Variants in BDH1 observed in about 807,000 individuals in gnomAD.
BDH1 encodes the protein D-beta-hydroxybutyrate dehydrogenase, mitochondrial.
In BDH1, 30 loss-of-function variants were observed where a neutral mutation model predicts 33.1. That is an observed-to-expected ratio of 0.91 (90% confidence interval 0.68 to 1.23). The LOEUF is 1.23. BDH1 is among the 50% of genes most tolerant of loss of function. BDH1 has a pLI of 0.00. For synonymous variants in BDH1, 190 were observed against 183.6 expected (o/e 1.03, Z -0.28); for missense variants, 443 against 464.4 (o/e 0.95, Z 0.42).
rs1006836205 is a variant in BDH1, at chr3:197,522,562, C to T, written c.409+78G>A. The stretch of plus-strand genomic sequence containing the variant: ...GGGAGTGTGGTGGCAGGATGCCAGC[C>T]AGTGGAAGGTGGTGTTCGGCAAGTG... On this transcript the variant is annotated intron_variant, in intron 6 of 7. Transcript: ENST00000392379. This position sits in a 1 kb window ranked among gnomAD's most constrained non-coding sequence, Gnocchi z 4.8. 9 of 1,576,152 alleles carry T rather than the reference C, an allele frequency of 5.7e-6. No homozygotes were observed. In the African/African-American group the frequency reaches 1.1e-4, roughly 19 times the overall value.
Position 197,522,359 on chromosome 3 carries a change from GA to G in BDH1, c.409+280del, listed in dbSNP as rs1215013644. 6.6e-6 allele frequency among the ~76,000 whole-genome samples: 1 copy of G among 152,186 alleles called. No homozygotes were observed. The highest frequency in any genetic ancestry group is 1.5e-5 in the Non-Finnish European group (1 of 68,046). ...GGCACCCAACCCAGCTCCTGGGCCA[GA>G]GGGGGCATCAATGGGCATTGGCTGA... On this transcript the variant is annotated intron_variant, in intron 6 of 7. Coordinates refer to ENST00000392379, the MANE Select transcript of BDH1 (RefSeq NM_203314.3). This position sits in a 1 kb window ranked among gnomAD's most constrained non-coding sequence, Gnocchi z 4.8.
Position 197,512,054 on chromosome 3 carries a change from G to T in BDH1, c.873C>A (p.Gly291=). 1 of 1,614,188 alleles carries T rather than the reference G, an allele frequency of 6.2e-7. No homozygotes were observed. Among genetic ancestry groups the T allele is most frequent in the Non-Finnish European group, 8.5e-7 (1 of 1,180,038 alleles). ...IAKMETYCSS[G]STDTSPVIDA... is the part of the protein sequence containing the mutation. ...CGATGACAGGGGACGTGTCTGTGGA[G>T]CCACTGCTGCAGTAGGTCTCCATCT... is the stretch of plus-strand genomic sequence containing the variant. The change falls in exon 8 of 8, where the codon GGC becomes GGA. Residue 291 remains glycine, a synonymous_variant. Coordinates refer to ENST00000392379, the MANE Select transcript of BDH1 (RefSeq NM_203314.3).
chr3:197,533,503 T>G lies in BDH1; in HGVS notation c.142A>C (p.Ser48Arg). The change falls in exon 4 of 8, where the codon AGT becomes CGT. Residue 48 changes from serine to arginine, a missense_variant. Physicochemically the swap from Ser to Arg is moderately radical, Grantham distance 110. Transcript: ENST00000392379. ...CTTCCACTCACCGGCTCCGCCGCAC[T>G]GGCATAAGTCCGACGGCCAATCGGG... is the stretch of plus-strand genomic sequence containing the variant. ...FIPIGRRTYA[S>R]AAEPVGSKAV... 6.2e-7 allele frequency: 1 copy of G among 1,614,240 alleles called. No homozygotes were observed. The highest frequency in any genetic ancestry group is 1.1e-5 in the South Asian group (1 of 91,086).
intron 5 of BDH1, chr3:197,530,065 C>T (rs1399663291): frequency 6.6e-6 from 1 of 152,160 alleles, no homozygotes; most frequent in East Asian, 1.9e-4. Context: ...AATGAGAGCA[C>T]AGGTGATATC....
chr3:197,539,464 A>G (rs567107809), intron 3 of BDH1, among the ~76,000 whole-genome samples: 1 of 152,228 alleles, frequency 6.6e-6, no homozygotes, highest in Non-Finnish European at 1.5e-5. Context: ...TAAAACAAAG[A>G]TGGCAGCCCT....
intron 3 of BDH1, among the ~76,000 whole-genome samples, chr3:197,537,551 C>G (rs779201144): frequency 1.3e-5 from 2 of 152,132 alleles, no homozygotes; most frequent in Non-Finnish European, 2.9e-5. Context: ...AATTACAGCA[C>G]TATGTTGGAT....
At chr3:197,532,589 C>T (rs1162685012) in intron 4 of BDH1, 67 bp from the exon 5 acceptor site, 9 of 1,167,420 alleles carry the variant, frequency 7.7e-6, no homozygotes, top group Admixed American at 1.8e-5. Context: ...CAGGCCTCTC[C>T]ACCCTCTGTG....
intron 5 of BDH1, among the ~76,000 whole-genome samples, chr3:197,531,418 A>ATAT (rs1553872383): frequency 4.4e-5 from 6 of 137,258 alleles, no homozygotes; most frequent in Non-Finnish European, 6.1e-5. Flanking sequence ...TTAAAAAAAA[A>ATAT]ATATATATAT....
At chr3:197,561,606 G>A (rs912361025) in intron 1 of BDH1, among the ~76,000 whole-genome samples, 1 of 152,142 alleles carries the variant, frequency 6.6e-6, no homozygotes, top group Non-Finnish European at 1.5e-5. Flanking sequence ...TACCATTAGA[G>A]TGCTCAGTGA....
In BDH1 at chr3:197,526,589, A is replaced by T. The variant is rs1016168958; in HGVS notation, c.268-3808T>A. ...GCTCCCTCAGCCCCTGGCCTCAGTG[A>T]TGTACCCGCTTCTGGCTGGGGCCAC... On this transcript the variant is annotated intron_variant, in intron 5 of 7. Transcript: ENST00000392379. This position sits in a 1 kb window ranked among gnomAD's most constrained non-coding sequence, Gnocchi z 4.7. 6.6e-6 allele frequency among the ~76,000 whole-genome samples: 1 copy of T among 152,106 alleles called. No homozygotes were observed. Among genetic ancestry groups the T allele is most frequent in the Non-Finnish European group, 1.5e-5 (1 of 68,012 alleles).
At chr3:197,546,542 G>C in intron 2 of BDH1, 56 bp from the exon 3 acceptor site, 1 of 1,202,500 alleles carries the variant, frequency 8.3e-7, no homozygotes, top group East Asian at 2.4e-5. Context: ...CTTTAATCAG[G>C]AGCAGTCATG....
rs1716867133 is a variant in BDH1 at position 197,554,816 on chromosome 3, C to G, written c.-195-103G>C. The G allele has an allele frequency of 6.6e-6, 1 of 152,256 alleles. No homozygotes were observed. 9.4% of individuals were successfully genotyped at this position (152,256 alleles called of 1,614,324 possible). Reference sequence around the variant, plus strand: ...GAGGCGGCCGCGCGCAGGACGCACGCCCAAGGCGCCTGGGCCGCTAGGGAC... The same window carrying G: ...GAGGCGGCCGCGCGCAGGACGCACGGCCAAGGCGCCTGGGCCGCTAGGGAC... On this transcript the variant is annotated intron_variant, in intron 1 of 7. Coordinates refer to ENST00000392379, the MANE Select transcript of BDH1 (RefSeq NM_203314.3). The surrounding 1 kb of genome is among the most constrained non-coding windows in gnomAD (Gnocchi z 4.4).
At chr3:197,546,535 TAATC>T (rs1716094208) in intron 2 of BDH1, 49 bp from the exon 3 acceptor site, 1 of 1,281,292 alleles carries the variant, frequency 7.8e-7, no homozygotes, top group Non-Finnish European at 1.1e-6. Context: ...TTCCGGGCTT[TAATC>T]AGGAGCAGTC....
At chr3:197,532,970 C>T (rs948799352) in intron 4 of BDH1, among the ~76,000 whole-genome samples, 1 of 152,152 alleles carries the variant, frequency 6.6e-6, no homozygotes. Flanking sequence ...CTTCACCTTC[C>T]AGGTTCAAGC....
At chr3:197,536,495 T>C (rs1715164885) in intron 3 of BDH1, among the ~76,000 whole-genome samples, 1 of 152,184 alleles carries the variant, frequency 6.6e-6, no homozygotes, top group South Asian at 2.1e-4. Flanking sequence ...GGGTTTCCAT[T>C]TACATAGATC....
rs1487102410 is a variant in BDH1 at position 197,512,097 on chromosome 3, A to G, written c.830T>C (p.Phe277Ser). ...VVRKDYGKKY[F>S]DEKIAKMETY... is the part of the protein sequence containing the mutation. Reference sequence around the variant, plus strand: ...CTCCATCTTGGCGATCTTTTCATCAAAGTACTTCTTGCCGTAGTCCTTGCG... The same window carrying G: ...CTCCATCTTGGCGATCTTTTCATCAGAGTACTTCTTGCCGTAGTCCTTGCG... Residue 277 changes from phenylalanine (F) to serine (S), a missense_variant, in exon 8 of 8, where the codon TTT (phenylalanine) becomes TCT (serine). By Grantham distance (155) the Phe-to-Ser change is radical (BLOSUM62 -2). Coordinates refer to ENST00000392379, the MANE Select transcript of BDH1 (RefSeq NM_203314.3). 1 of 1,614,156 alleles carries G rather than the reference A, an allele frequency of 6.2e-7. No individual in the cohort carries two copies. Among genetic ancestry groups the G allele is most frequent in the South Asian group, 1.1e-5 (1 of 91,086 alleles).
chr3:197,523,044 C>A lies in BDH1; in HGVS notation c.268-263G>T, dbSNP rs766383835. ...CCCCCAAGGCCTCAAGACAGGATTC[C>A]TTCTCCAAGCAGGGGTTGCAAACTT... On this transcript the variant is annotated intron_variant, in intron 5 of 7. Transcript: ENST00000392379. This position sits in a 1 kb window ranked among gnomAD's most constrained non-coding sequence, Gnocchi z 4.5. The A allele has an allele frequency of 1.1e-5, 5 of 450,552 alleles. No individual in the cohort carries two copies. The highest frequency in any genetic ancestry group is 1.2e-5 in the Non-Finnish European group (3 of 257,806). The allele number at this position is 450,552 out of a possible 1,614,324, so 27.9% of individuals were successfully genotyped here.
rs368597951 is a variant in BDH1 at position 197,512,314 on chromosome 3, G to A, written c.613C>T (p.Arg205Cys). 7.4e-6 allele frequency: 12 copies of A among 1,611,210 alleles called. No individual in the cohort carries two copies. Among genetic ancestry groups the A allele is most frequent in the Admixed American group, 3.3e-5 (2 of 59,990 alleles). ...AACTTGGTGATGCAGTACGGGGAGC[G>A]GGCCGGGTTGGCCATGCGGCCCAGC... Reference protein sequence around the residue: ...SMLGRMANPARSPYCITKFGV... With the variant: ...SMLGRMANPACSPYCITKFGV... The change falls in exon 8 of 8, where the codon CGC (arginine) becomes TGC (cysteine). Residue 205 changes from arginine to cysteine, a missense_variant. Arg to Cys is a radical substitution (Grantham distance 180). Transcript: ENST00000392379.
At chr3:197,561,151 A>G (rs1717246221) in intron 1 of BDH1, among the ~76,000 whole-genome samples, 1 of 152,144 alleles carries the variant, frequency 6.6e-6, no homozygotes, top group Non-Finnish European at 1.5e-5. Flanking sequence ...TTTGGTAACC[A>G]TGGAGGGATT....
Sources: allele counts gnomAD v4.1 joint callset (sites outside exome capture counted in the v4.1 genomes callset), GRCh38; gene constraint gnomAD v4.1.1; non-coding constraint Gnocchi (gnomAD v3.1); transcripts MANE v1.5; gene names NCBI Gene and HGNC (gene_info 2026-07-23, HGNC 2026-07-21).